IL1RAPL1: variants seen among roughly 807,000 people sequenced by gnomAD.
The protein encoded by IL1RAPL1 is interleukin-1 receptor accessory protein-like 1.
Under a neutral mutation model 48.4 loss-of-function variants are expected in IL1RAPL1, and 3 were observed. The observed-to-expected ratio is 0.06, with a 90% CI of 0.03 to 0.16. The LOEUF (loss-of-function observed/expected upper bound fraction) is 0.16. Among genes scored for constraint, IL1RAPL1 ranks in the 10% least tolerant of loss-of-function variants. The pLI, the probability that IL1RAPL1 is intolerant of heterozygous loss-of-function variation, is 1.00. For missense variants in IL1RAPL1, 349 were observed against 530.6 expected, an observed-to-expected ratio of 0.66 and a Z score of 3.36; for synonymous variants, 185 against 187.7, an observed-to-expected ratio of 0.99 and a Z score of 0.12.
In IL1RAPL1 at chrX:28,833,186, G is replaced by C. The variant is rs550108611; in HGVS notation, c.82+43761G>C. On this transcript the variant is annotated intron_variant, in intron 2 of 10. Coordinates refer to ENST00000378993, the MANE Select transcript of IL1RAPL1 (RefSeq NM_014271.4). The stretch of plus-strand genomic sequence containing the variant: ...CCATACAGCTGCATAGTATTCCATG[G>C]TGTATAGGTGCCACATATTCCTTAT... 6.8e-4 allele frequency among the ~76,000 whole-genome samples: 76 copies of C among 111,505 alleles called. No individual in the cohort carries two copies. The South Asian group carries it at 0.026, about 38-fold the overall frequency.
intron 3 of IL1RAPL1, among the ~76,000 whole-genome samples, chrX:29,309,951 G>A (rs1191788683): frequency 9.3e-6 from 1 of 107,301 alleles, no homozygotes; most frequent in Non-Finnish European, 1.9e-5. Context: ...AAAATTAGCC[G>A]AGCATGGTGG....
At chrX:28,846,325 A>G (rs1921507627) in intron 2 of IL1RAPL1, among the ~76,000 whole-genome samples, 1 of 112,125 alleles carries the variant, frequency 8.9e-6, no homozygotes, top group South Asian at 3.7e-4. Flanking sequence ...GTGTTCACCT[A>G]CTGAAAGACA....
At chrX:29,616,203 A>G (rs750931753) in intron 5 of IL1RAPL1, among the ~76,000 whole-genome samples, 1 of 111,688 alleles carries the variant, frequency 9.0e-6, no homozygotes, top group Non-Finnish European at 1.9e-5. Context: ...TAGTATAGCT[A>G]TCAATGTTAG....
intron 6 of IL1RAPL1, among the ~76,000 whole-genome samples, chrX:29,895,538 C>T (rs1569196692): frequency 8.9e-6 from 1 of 112,481 alleles, no homozygotes; most frequent in African/African-American, 3.2e-5. Context: ...GGCTACCGAG[C>T]GAGACTCCGT....
chrX:28,736,495 A>G (rs1431955035), intron 1 of IL1RAPL1, among the ~76,000 whole-genome samples: 3 of 111,529 alleles, frequency 2.7e-5, no homozygotes, highest in African/African-American at 9.8e-5. Flanking sequence ...TTGCCTTACA[A>G]AACTCTTCTA....
At chrX:29,744,324 A>G (rs1449078446) in intron 6 of IL1RAPL1, among the ~76,000 whole-genome samples, 1 of 112,033 alleles carries the variant, frequency 8.9e-6, no homozygotes, top group Non-Finnish European at 1.9e-5. Flanking sequence ...CCATTCTAGA[A>G]GGAAGAAGAA....
chrX:29,436,164 A>G (rs901181757), intron 5 of IL1RAPL1, among the ~76,000 whole-genome samples: 3 of 110,167 alleles, frequency 2.7e-5, no homozygotes, highest in African/African-American at 9.8e-5. Flanking sequence ...GATAAAACTA[A>G]TTAAAATGAT....
chrX:29,925,690 A>G (rs1234889100), intron 8 of IL1RAPL1, among the ~76,000 whole-genome samples: 2 of 106,365 alleles, frequency 1.9e-5, no homozygotes, highest in African/African-American at 3.4e-5. Flanking sequence ...GGTGCATGCC[A>G]CTACACCTGG....
chrX:29,202,712 C>G (rs1259510864), intron 2 of IL1RAPL1, among the ~76,000 whole-genome samples: 1 of 111,837 alleles, frequency 8.9e-6, no homozygotes, highest in African/African-American at 3.3e-5. Context: ...TTTCCAGCAA[C>G]ATGGATGGAG....
At chrX:29,419,723 G>C (rs1934268422) in intron 5 of IL1RAPL1, among the ~76,000 whole-genome samples, 2 of 112,471 alleles carry the variant, frequency 1.8e-5, no homozygotes, top group Non-Finnish European at 3.8e-5. Flanking sequence ...AGTTAGTAGT[G>C]GTTAAATCTT....
At chrX:28,784,841 T>C (rs1936459140) in intron 1 of IL1RAPL1, among the ~76,000 whole-genome samples, 1 of 111,286 alleles carries the variant, frequency 9.0e-6, no homozygotes, top group African/African-American at 3.3e-5. Flanking sequence ...CATACTAATA[T>C]CTCTTCCTTC....
At chrX:28,963,158 G>C (rs1924830521) in intron 2 of IL1RAPL1, among the ~76,000 whole-genome samples, 1 of 111,257 alleles carries the variant, frequency 9.0e-6, no homozygotes, top group African/African-American at 3.3e-5. Flanking sequence ...AAAAAAATCT[G>C]TGGGCACTGC....
At position 29,876,332 on chromosome X, in the gene IL1RAPL1, G is replaced by A. The variant is rs142929528; in HGVS notation, c.779-41132G>A. ...CCAAGTATCCAGTCATGTAAATGAA[G>A]ACTGCATCTAAGGAGTTAGCTGTAC... On this transcript the variant is annotated intron_variant, in intron 6 of 10. Coordinates refer to ENST00000378993, the MANE Select transcript of IL1RAPL1 (RefSeq NM_014271.4). 4.1e-3 allele frequency among the ~76,000 whole-genome samples: 453 copies of A among 111,783 alleles called. 2 individuals are homozygous for A. Among genetic ancestry groups the A allele is most frequent in the South Asian group, 0.029 (77 of 2,636 alleles).
chrX:29,633,982 C>G (rs762649514), intron 5 of IL1RAPL1, among the ~76,000 whole-genome samples: 1 of 111,627 alleles, frequency 9.0e-6, no homozygotes, highest in South Asian at 3.8e-4. Flanking sequence ...ACTAATTAAT[C>G]CACTACAGTG....
chrX:28,945,389 G>A (rs1180701722), intron 2 of IL1RAPL1, among the ~76,000 whole-genome samples: 1 of 111,441 alleles, frequency 9.0e-6, no homozygotes, highest in Admixed American at 9.6e-5. Context: ...AGAAAATGCG[G>A]TACATATACA....
At chrX:28,685,348 G>T (rs1235661029) in intron 1 of IL1RAPL1, among the ~76,000 whole-genome samples, 1 of 112,175 alleles carries the variant, frequency 8.9e-6, no homozygotes, top group Non-Finnish European at 1.9e-5. Flanking sequence ...TATTTAGGCT[G>T]ATACTTACAT....
At chrX:28,838,622 A>G (rs1337530381) in intron 2 of IL1RAPL1, among the ~76,000 whole-genome samples, 1 of 110,943 alleles carries the variant, frequency 9.0e-6, no homozygotes, top group Admixed American at 9.6e-5. Context: ...TAAAAGTAAT[A>G]TTAAAACAAA....
intron 6 of IL1RAPL1, among the ~76,000 whole-genome samples, chrX:29,871,173 G>C (rs748407361): frequency 8.1e-5 from 9 of 111,745 alleles, no homozygotes; most frequent in Non-Finnish European, 1.1e-4. Flanking sequence ...CTGTATCTCT[G>C]ATCACAGCGG....
chrX:28,663,436 A>G (rs1434739307), intron 1 of IL1RAPL1, among the ~76,000 whole-genome samples: 1 of 112,348 alleles, frequency 8.9e-6, no homozygotes, highest in Admixed American at 9.4e-5. Flanking sequence ...CTGACTGAGT[A>G]CTGTTGTATC....
Sources: allele counts gnomAD v4.1 joint callset (sites outside exome capture counted in the v4.1 genomes callset), GRCh38; gene constraint gnomAD v4.1.1; transcripts MANE v1.5; gene names NCBI Gene and HGNC (gene_info 2026-07-23, HGNC 2026-07-21).